The following TRAPPC3 variants were observed in gnomAD, a reference collection of about 807,000 sequenced individuals.
TRAPPC3 encodes the protein trafficking protein particle complex subunit 3, also known as trafficking protein particle complex 3.
Under a neutral mutation model 18.2 loss-of-function variants are expected in TRAPPC3, and 5 were observed. The observed-to-expected ratio is 0.28, with a 90% confidence interval of 0.14 to 0.58. TRAPPC3 has a LOEUF of 0.58. Among genes scored for constraint, TRAPPC3 ranks in the 20% least tolerant of loss-of-function variants. The pLI, the probability that TRAPPC3 is intolerant of heterozygous loss-of-function variation, is 0.91. For synonymous variants in TRAPPC3, 65 were observed against 84.2 expected (o/e 0.77, Z 1.25); for missense variants, 176 against 225.9 (o/e 0.78, Z 1.41).
intron 1 of TRAPPC3, among the ~76,000 whole-genome samples, chr1:36,142,825 T>C (rs1412934272): frequency 6.6e-6 from 1 of 151,912 alleles, no homozygotes; most frequent in Non-Finnish European, 1.5e-5. Flanking sequence ...AGCCCAGGAA[T>C]TTGAGACCAG....
intron 1 of TRAPPC3, among the ~76,000 whole-genome samples, chr1:36,155,209 G>C (rs530810564): frequency 6.6e-6 from 1 of 152,294 alleles, no homozygotes; most frequent in Non-Finnish European, 1.5e-5. Flanking sequence ...CGCAACCCAA[G>C]TCCCTGCAGC....
intron 1 of TRAPPC3, among the ~76,000 whole-genome samples, chr1:36,143,378 T>A: frequency 6.6e-6 from 1 of 152,146 alleles, no homozygotes. Flanking sequence ...ATTCTAAAGA[T>A]CCTGAGGTAC....
At chr1:36,156,026 G>A (rs1011198708) in exon 1 of TRAPPC3, 2 of 179,780 alleles carry the variant, frequency 1.1e-5, no homozygotes, top group East Asian at 1.5e-4. Flanking sequence ...GCTCCGGGGC[G>A]GGGGCGGCGC....
chr1:36,149,233 C>T, intron 1 of TRAPPC3, 104 bp downstream of exon 1: 1 of 1,560,754 alleles, frequency 6.4e-7, no homozygotes, highest in East Asian at 2.4e-5. Context: ...TGCCAGAGCT[C>T]ACAGGAAGGC....
chr1:36,138,363 C>T (rs1570082358), intron 3 of TRAPPC3: 1 of 1,070,854 alleles, frequency 9.3e-7, no homozygotes, highest in East Asian at 2.6e-5. Flanking sequence ...TGTCCTCTGT[C>T]TGTGCTACCT....
upstream of TRAPPC3, among the ~76,000 whole-genome samples, chr1:36,152,546 G>A (rs1290693600): frequency 2.6e-5 from 4 of 152,118 alleles, no homozygotes; most frequent in African/African-American, 4.8e-5. Context: ...CTGACCTCAG[G>A]TCATCTGCCC....
At chr1:36,137,739 A>G (rs2124137707) in intron 4 of TRAPPC3, 57 bp downstream of exon 4, 1 of 1,535,500 alleles carries the variant, frequency 6.5e-7, no homozygotes, top group Non-Finnish European at 8.9e-7. Flanking sequence ...TCATTTAAAC[A>G]CTTATCAAGT....
rs1570078617 is a variant in TRAPPC3 at position 36,137,063 on chromosome 1, T to C, written c.*140A>G. The C allele has an allele frequency of 1.9e-6, 2 of 1,048,908 alleles. No homozygotes were observed. Among genetic ancestry groups the C allele is most frequent in the East Asian group, 2.4e-5 (1 of 41,010 alleles). The allele number at this position is 1,048,908 out of a possible 1,614,324, so 65.0% of individuals were successfully genotyped here. Reference sequence around the variant, plus strand: ...ACTATATCGCAGTCTGCTCTTTATTTGAATGGAGAATGGAAACAGGTTATA... The same window carrying C: ...ACTATATCGCAGTCTGCTCTTTATTCGAATGGAGAATGGAAACAGGTTATA... On this transcript the variant is annotated 3_prime_UTR_variant, in exon 5 of 5. Coordinates refer to ENST00000373166, the MANE Select transcript of TRAPPC3 (RefSeq NM_014408.5).
chr1:36,138,829 A>AAGACCAGCCTGACC (rs1644063410), intron 3 of TRAPPC3, among the ~76,000 whole-genome samples: 1 of 151,954 alleles, frequency 6.6e-6, no homozygotes, highest in African/African-American at 2.4e-5. Flanking sequence ...TGGGGAGTTC[A>AAGACCAGCCTGACC]AGACCAGCCT....
upstream of TRAPPC3, among the ~76,000 whole-genome samples, chr1:36,151,930 AG>A (rs1451046016): frequency 1.3e-5 from 2 of 152,158 alleles, no homozygotes; most frequent in Non-Finnish European, 2.9e-5. Context: ...CACCAGCCAC[AG>A]GGAGTGGGCC....
At chr1:36,140,453 G>C (rs1644090825) in intron 1 of TRAPPC3, 1 of 292,130 alleles carries the variant, frequency 3.4e-6, no homozygotes, top group East Asian at 5.7e-5. Flanking sequence ...CTCCACCACA[G>C]CTGTCAAGCC....
chr1:36,148,172 G>A (rs191738000), intron 1 of TRAPPC3, among the ~76,000 whole-genome samples: 3 of 152,106 alleles, frequency 2.0e-5, no homozygotes, highest in East Asian at 1.9e-4. Context: ...AAATATTCTC[G>A]TCTTTTGGCC....
chr1:36,149,143 G>C, intron 1 of TRAPPC3, 194 bp downstream of exon 1: 1 of 1,455,144 alleles, frequency 6.9e-7, no homozygotes, highest in Non-Finnish European at 9.1e-7. Context: ...TGGGGGCGGG[G>C]TCTCCTCCGG....
At position 36,145,560 on chromosome 1, in the gene TRAPPC3, C is replaced by T. The variant is rs138974437; in HGVS notation, c.42+3777G>A. 3.1e-3 allele frequency among the ~76,000 whole-genome samples: 472 copies of T among 152,188 alleles called. 3 individuals carry two copies. The highest frequency in any genetic ancestry group is 0.011 in the African/African-American group (448 of 41,522). Reference sequence around the variant, plus strand: ...ACTGGGTTGGGTCACAGTAAGCCAACGCAAGAGAAGGGCAGGTCTCATTGT... The same window carrying T: ...ACTGGGTTGGGTCACAGTAAGCCAATGCAAGAGAAGGGCAGGTCTCATTGT... On this transcript the variant is annotated intron_variant, in intron 1 of 4. Transcript: ENST00000373166.
intron 1 of TRAPPC3, among the ~76,000 whole-genome samples, chr1:36,145,820 C>A (rs1289435539): frequency 6.6e-6 from 1 of 152,216 alleles, no homozygotes; most frequent in Non-Finnish European, 1.5e-5. Context: ...GTCGCCCAGG[C>A]TGGAGTGCAG....
intron 1 of TRAPPC3, chr1:36,141,019 A>G (rs6664296): frequency 0.79 from 120,806 of 152,060 alleles, 48,379 homozygotes; most frequent in East Asian, 0.91. Flanking sequence ...TTTGCTGGGC[A>G]TGGTGGCGGG....
intron 3 of TRAPPC3, 75 bp from the exon 4 acceptor site, chr1:36,138,053 C>T: frequency 1.2e-6 from 2 of 1,607,378 alleles, no homozygotes; most frequent in Non-Finnish European, 1.7e-6. Context: ...ACAGAACTGG[C>T]AAAGGGGAAT....
At chr1:36,148,997 A>G in intron 1 of TRAPPC3, 2 of 1,084,844 alleles carry the variant, frequency 1.8e-6, no homozygotes, top group Non-Finnish European at 2.4e-6. Context: ...GATAGGGGCT[A>G]CTCTGCAGAT....
chr1:36,147,354 C>A (rs4652902), intron 1 of TRAPPC3, among the ~76,000 whole-genome samples: 121,987 of 151,948 alleles, frequency 0.8, 49,420 homozygotes, highest in East Asian at 0.91. Context: ...TAGGTCTTGG[C>A]AAGCTTAAAT....
Sources: gnomAD v4.1 joint callset for allele counts (sites outside exome capture counted in the v4.1 genomes callset) on GRCh38, gnomAD v4.1.1 for gene constraint, MANE v1.5 for transcripts, NCBI Gene and HGNC (gene_info 2026-07-23, HGNC 2026-07-21) for gene names.